Variants in SCN11A observed in about 807,000 individuals in gnomAD.
SCN11A encodes the protein sodium channel protein type 11 subunit alpha.
A neutral mutation model predicts 162.2 loss-of-function variants in SCN11A; 122 were observed. The observed-to-expected ratio is 0.75, with a 90% CI of 0.65 to 0.87. The LOEUF is 0.87. Ranked by LOEUF, SCN11A falls within the 40% of genes least tolerant of loss-of-function variation. The pLI is 0.00. For missense variants in SCN11A, 2,015 were observed against 2,181.6 expected, an observed-to-expected ratio of 0.92 and a Z score of 1.52; for synonymous variants, 758 against 751.5, an observed-to-expected ratio of 1.01 and a Z score of -0.14.
intron 1 of SCN11A, among the ~76,000 whole-genome samples, chr3:39,049,559 T>G (rs2032273752): frequency 6.6e-6 from 1 of 152,216 alleles, no homozygotes; most frequent in Non-Finnish European, 1.5e-5. Context: ...TACATGTGAC[T>G]GGCTGACCCT....
At chr3:38,954,941 TTGTGCCAC>T (rs1347544777) in intron 3 of SCN11A, among the ~76,000 whole-genome samples, 5 of 152,050 alleles carry the variant, frequency 3.3e-5, no homozygotes, top group Non-Finnish European at 7.4e-5. Context: ...TGAGCCAAGA[TTGTGCCAC>T]TGCCCTCCAG....
At chr3:39,047,611 T>C (rs1347721280) in intron 1 of SCN11A, among the ~76,000 whole-genome samples, 1 of 151,820 alleles carries the variant, frequency 6.6e-6, no homozygotes, top group Non-Finnish European at 1.5e-5. Flanking sequence ...TGAGAGAAAA[T>C]ATTTGCAAAG....
intron 2 of SCN11A, among the ~76,000 whole-genome samples, chr3:38,963,415 TATGATGGAGATATATATA>T (rs2066758841): frequency 1.8e-5 from 1 of 56,396 alleles, no homozygotes; most frequent in East Asian, 5.1e-4. Flanking sequence ...TATATATATA[TATGATGGAGATATATATA>T]TATATATATA....
At chr3:38,868,470 T>G (rs1444746148) in intron 26 of SCN11A, among the ~76,000 whole-genome samples, 1 of 152,248 alleles carries the variant, frequency 6.6e-6, no homozygotes, top group Non-Finnish European at 1.5e-5. Flanking sequence ...CTAATAGTCT[T>G]GCATGTTAGG....
At chr3:39,005,324 T>A (rs1414457776) in intron 2 of SCN11A, among the ~76,000 whole-genome samples, 3 of 152,150 alleles carry the variant, frequency 2.0e-5, no homozygotes, top group Admixed American at 6.5e-5. Flanking sequence ...TATGAGAGGG[T>A]CTCTCTCTTC....
intron 2 of SCN11A, among the ~76,000 whole-genome samples, chr3:38,964,401 A>T (rs548144216): frequency 3.3e-5 from 5 of 152,318 alleles, no homozygotes; most frequent in South Asian, 2.1e-4. Flanking sequence ...TGTATCCTGA[A>T]AACATTAAAA....
intron 12 of SCN11A, 62 bp downstream of exon 12, chr3:38,910,004 G>T: frequency 6.7e-7 from 1 of 1,494,662 alleles, no homozygotes; most frequent in Non-Finnish European, 9.2e-7. Flanking sequence ...GTAAGTGATA[G>T]AGGGGGAAGG....
Position 38,896,939 on chromosome 3 carries a change from A to G in SCN11A, c.2309T>C (p.Ile770Thr). The G allele has an allele frequency of 3.1e-6, 5 of 1,613,864 alleles. No homozygotes were observed. Among genetic ancestry groups the G allele is most frequent in the Non-Finnish European group, 4.2e-6 (5 of 1,179,976 alleles). Reference sequence around the variant, plus strand: ...TTGCATACATTCCCACATATTTTCGATCCATTCCCCGCAGAGGATGCGGAA... The same window carrying G: ...TTGCATACATTCCCACATATTTTCGGTCCATTCCCCGCAGAGGATGCGGAA... ...VVFRILCGEW[I>T]ENMWECMQEA... Residue 770 changes from isoleucine (I) to threonine (T), a missense_variant, in exon 18 of 30, where the codon ATC becomes ACC. By Grantham distance (89) the Ile-to-Thr change is moderately conservative. Transcript: ENST00000302328.
chr3:38,969,954 CT>C (rs2066806709), intron 2 of SCN11A, among the ~76,000 whole-genome samples: 1 of 132,720 alleles, frequency 7.5e-6, no homozygotes, highest in East Asian at 2.0e-4. Context: ...TTGCCTGCCC[CT>C]GTGGCCATCT....
chr3:38,995,608 G>A (rs1420991840), intron 2 of SCN11A, among the ~76,000 whole-genome samples: 1 of 152,104 alleles, frequency 6.6e-6, no homozygotes, highest in East Asian at 1.9e-4. Flanking sequence ...CCACCTGCCT[G>A]TTTGAGCTGG....
intron 7 of SCN11A, among the ~76,000 whole-genome samples, chr3:38,934,438 TAA>T (rs1559542152): frequency 6.6e-6 from 1 of 152,080 alleles, no homozygotes; most frequent in African/African-American, 2.4e-5. Flanking sequence ...GCAAATTGGA[TAA>T]AGAGTCAAGA....
intron 2 of SCN11A, among the ~76,000 whole-genome samples, chr3:38,991,479 G>A (rs189816365): frequency 4.6e-5 from 7 of 152,250 alleles, no homozygotes; most frequent in Admixed American, 1.3e-4. Context: ...GTGTGTTTGC[G>A]GCGATCATAG....
intron 14 of SCN11A, among the ~76,000 whole-genome samples, chr3:38,907,016 T>C (rs1398439351): frequency 6.6e-6 from 1 of 152,048 alleles, no homozygotes; most frequent in African/African-American, 2.4e-5. Context: ...GCACATTCTA[T>C]TCTCTCTGCA....
intron 2 of SCN11A, among the ~76,000 whole-genome samples, chr3:39,030,214 G>A (rs1452505698): frequency 2.6e-5 from 4 of 152,210 alleles, no homozygotes; most frequent in African/African-American, 4.8e-5. Flanking sequence ...GGAGGAGTGA[G>A]CGAAAGCAGG....
intron 2 of SCN11A, among the ~76,000 whole-genome samples, chr3:38,992,018 A>T (rs911157323): frequency 6.6e-6 from 1 of 152,106 alleles, no homozygotes; most frequent in Non-Finnish European, 1.5e-5. Context: ...CATGTTGGCC[A>T]GGCTGGTCTC....
At position 38,899,941 on chromosome 3, in the gene SCN11A, A is replaced by G; in HGVS notation, c.1975T>C (p.Cys659Arg). ...GGCCAGCTTCTCTTTTGAAGTACAC[A>G]GTTCATTACATCTGCAAAACTCAGA... ...ALLSFADVMN[C>R]VLQKRSWPFL... The change falls in exon 17 of 30, where the codon TGT becomes CGT. Residue 659 changes from cysteine to arginine, a missense_variant. Physicochemically the swap from Cys to Arg is radical, Grantham distance 180. Transcript: ENST00000302328. 1 of 1,614,146 alleles carries G rather than the reference A, an allele frequency of 6.2e-7. No individual in the cohort carries two copies. The highest frequency in any genetic ancestry group is 2.2e-5 in the East Asian group (1 of 44,872).
intron 5 of SCN11A, among the ~76,000 whole-genome samples, chr3:38,948,072 T>C (rs971539326): frequency 1.3e-5 from 2 of 152,228 alleles, no homozygotes; most frequent in African/African-American, 4.8e-5. Flanking sequence ...GTCTGATGGT[T>C]ATCTGGCTGC....
Position 38,846,966 on chromosome 3 carries a change from T to C in SCN11A, c.5104A>G (p.Ser1702Gly), listed in dbSNP as rs2064677343. ...TTCTCTTCCATCATTGCTTTCATACTATCTAGGCCATCAGAGCCACCGAGT... is the reference window on the plus strand; with the variant it reads ...TTCTCTTCCATCATTGCTTTCATACCATCTAGGCCATCAGAGCCACCGAGT... ...RVLGGSDGLDSMKAMMEEKFM... is the reference protein window; with the variant it reads ...RVLGGSDGLDGMKAMMEEKFM... The change falls in exon 30 of 30, where the codon AGT becomes GGT. Residue 1702 changes from serine (S) to glycine (G), a missense_variant. Physicochemically the swap from Ser to Gly is moderately conservative, Grantham distance 56. Transcript: ENST00000302328. The C allele has an allele frequency of 1.2e-6, 2 of 1,614,092 alleles. No individual in the cohort carries two copies. The highest frequency in any genetic ancestry group is 1.7e-5 in the Admixed American group (1 of 60,000).
At chr3:38,849,204 C>A (rs961909329) in intron 29 of SCN11A, 1 of 145,036 alleles carries the variant, frequency 6.9e-6, no homozygotes, top group African/African-American at 2.6e-5. Context: ...AGAGGAAGGG[C>A]TCTTTGAGTT....
Sources: allele counts gnomAD v4.1 joint callset (sites outside exome capture counted in the v4.1 genomes callset), GRCh38; gene constraint gnomAD v4.1.1; transcripts MANE v1.5; gene names NCBI Gene and HGNC (gene_info 2026-07-23, HGNC 2026-07-21).